Variants in MAK observed in about 807,000 individuals in gnomAD.
The protein encoded by MAK is male germ cell associated kinase, also known as serine/threonine-protein kinase MAK.
Under a neutral mutation model 82.6 loss-of-function variants are expected in MAK, and 65 were observed. The observed-to-expected ratio is 0.79, with a 90% CI of 0.64 to 0.97. MAK has a LOEUF of 0.97. Among genes scored for constraint, MAK ranks in the 50% least tolerant of loss-of-function variants. The pLI is 0.00. For synonymous variants in MAK, 250 were observed against 274.2 expected (o/e 0.91, Z 0.87); for missense variants, 703 against 780.2 (o/e 0.90, Z 1.18).
chr6:10,778,307 A>G (rs1408217219), intron 11 of MAK, among the ~76,000 whole-genome samples: 2 of 152,208 alleles, frequency 1.3e-5, no homozygotes, highest in South Asian at 4.1e-4. Context: ...AGCAGGGTGC[A>G]TCATGTTTAG....
chr6:10,815,910 C>CTATATATATAT (rs1777431569), intron 4 of MAK, among the ~76,000 whole-genome samples: 2 of 76,092 alleles, frequency 2.6e-5, no homozygotes, highest in African/African-American at 8.4e-5. Context: ...TAGCTTTATA[C>CTATATATATAT]AGTATATATA....
intron 2 of MAK, among the ~76,000 whole-genome samples, chr6:10,820,506 A>G (rs1937458525): frequency 1.3e-5 from 2 of 152,166 alleles, no homozygotes; most frequent in South Asian, 2.1e-4. Context: ...AGCTAGCCAT[A>G]CAGTAGAAAC....
intron 10 of MAK, among the ~76,000 whole-genome samples, chr6:10,789,744 G>C (rs537886781): frequency 1.3e-5 from 2 of 152,274 alleles, no homozygotes; most frequent in East Asian, 3.9e-4. Context: ...CACAACCTCT[G>C]CCTCCTGGGT....
intron 10 of MAK, among the ~76,000 whole-genome samples, chr6:10,788,730 C>T (rs963076396): frequency 3.3e-5 from 5 of 151,910 alleles, no homozygotes; most frequent in Non-Finnish European, 5.9e-5. Context: ...AGCGACATTC[C>T]GTCTCAAAAA....
At chr6:10,818,974 G>A in intron 2 of MAK, 34 bp from the exon 3 acceptor site, 1 of 1,218,362 alleles carries the variant, frequency 8.2e-7, no homozygotes, top group Non-Finnish European at 1.2e-6. Flanking sequence ...AGTGTTCAGG[G>A]ATTGAGGATT....
At chr6:10,771,267 G>A (rs1024526787) in intron 13 of MAK, among the ~76,000 whole-genome samples, 1 of 151,902 alleles carries the variant, frequency 6.6e-6, no homozygotes, top group Non-Finnish European at 1.5e-5. Context: ...ACCTCATGGA[G>A]GAAGAGAACA....
chr6:10,785,439 C>T (rs1774453136), intron 10 of MAK, among the ~76,000 whole-genome samples: 1 of 152,208 alleles, frequency 6.6e-6, no homozygotes, highest in Non-Finnish European at 1.5e-5. Context: ...CACTTGTTAA[C>T]TCCAAGCATC....
At position 10,784,531 on chromosome 6, in the gene MAK, C is replaced by G; in HGVS notation, c.1358G>C (p.Gly453Ala). 6.2e-7 allele frequency: 1 copy of G among 1,614,098 alleles called. No individual in the cohort carries two copies. Among genetic ancestry groups the G allele is most frequent in the Non-Finnish European group, 8.5e-7 (1 of 1,180,024 alleles). The change falls in exon 11 of 15, where the codon GGG becomes GCG. Residue 453 changes from glycine to alanine, a missense_variant. By Grantham distance (60) the Gly-to-Ala change is moderately conservative. Transcript: ENST00000354489. The part of the protein sequence containing the change: ...PVPSGSNHST[G>A]ENKSLPAVTS... ...AACAGCAGGTAAGCTCTTGTTTTCC[C>G]CTGTCGAGTGGTTGGAGCCTGAGGG... is the stretch of plus-strand genomic sequence containing the variant.
chr6:10,775,894 T>A (rs1428462276), intron 11 of MAK, among the ~76,000 whole-genome samples: 1 of 152,102 alleles, frequency 6.6e-6, no homozygotes, highest in Non-Finnish European at 1.5e-5. Flanking sequence ...GTTCAAGTGA[T>A]TCTTGTGTCT....
chr6:10,795,192 C>G lies in MAK; in HGVS notation c.1143+806G>C, dbSNP rs1413601039. Among the ~76,000 whole-genome samples, 6 of 152,108 alleles carry G rather than the reference C, an allele frequency of 3.9e-5. No homozygotes were observed. In the East Asian group the frequency reaches 1.2e-3, roughly 29 times the overall value. On this transcript the variant is annotated intron_variant, in intron 9 of 14. Transcript: ENST00000354489. ...TTAGGCCGGGCTTGGTGGCTCACGC[C>G]TGTAATCCCAGCACTTTGGGAGGCC...
chr6:10,788,787 G>T (rs1774822756), intron 10 of MAK, among the ~76,000 whole-genome samples: 1 of 152,072 alleles, frequency 6.6e-6, no homozygotes, highest in Non-Finnish European at 1.5e-5. Flanking sequence ...TACTACATCA[G>T]TGGTCTTCAA....
At chr6:10,815,009 C>G (rs1197793449) in intron 4 of MAK, among the ~76,000 whole-genome samples, 1 of 151,116 alleles carries the variant, frequency 6.6e-6, no homozygotes, top group East Asian at 1.9e-4. Flanking sequence ...TTCACTCCAG[C>G]CTGGGTGAAA....
At chr6:10,766,332 A>G (rs1257964026) in intron 14 of MAK, among the ~76,000 whole-genome samples, 1 of 152,234 alleles carries the variant, frequency 6.6e-6, no homozygotes. Flanking sequence ...TACTAACTTC[A>G]GCATGGGTGA....
rs991637415 is a variant in MAK, at chr6:10,764,728, G to A, written c.1793-122C>T. ...AATTTATGTTTAAAAGATTAACTCA[G>A]TACTCTCTGAGGCTTTTTAAATGTT... is the stretch of plus-strand genomic sequence containing the variant. On this transcript the variant is annotated intron_variant, in intron 14 of 14. Coordinates refer to ENST00000354489, the MANE Select transcript of MAK (RefSeq NM_001242957.3). 1.1e-5 allele frequency: 11 copies of A among 992,696 alleles called. No individual in the cohort carries two copies. In the African/African-American group the frequency reaches 1.4e-4, roughly 13 times the overall value. 61.5% of individuals were successfully genotyped at this position (992,696 alleles called of 1,614,324 possible). A position where few individuals can be genotyped will look rare whatever the true frequency, so the allele number is the denominator to read the frequency against.
At chr6:10,812,154 G>A (rs1776987656) in intron 5 of MAK, among the ~76,000 whole-genome samples, 1 of 152,064 alleles carries the variant, frequency 6.6e-6, no homozygotes, top group African/African-American at 2.4e-5. Flanking sequence ...GAGCCATGAT[G>A]GCACCACTGC....
At chr6:10,798,180 C>T (rs61154706) in intron 8 of MAK, among the ~76,000 whole-genome samples, 7,102 of 145,502 alleles carry the variant, frequency 0.049, 397 homozygotes, top group African/African-American at 0.14. Flanking sequence ...TGCAGTGGCA[C>T]GATCTTGGCT....
At chr6:10,775,510 A>T (rs1407064159) in intron 11 of MAK, 51 bp from the exon 12 acceptor site, 1 of 1,593,492 alleles carries the variant, frequency 6.3e-7, no homozygotes, top group Non-Finnish European at 8.6e-7. Context: ...TCATAAACTT[A>T]AAGGAAACTT....
chr6:10,828,262 T>C (rs1300676433), intron 2 of MAK, among the ~76,000 whole-genome samples: 3 of 152,198 alleles, frequency 2.0e-5, no homozygotes, highest in Non-Finnish European at 2.9e-5. Context: ...AATGTGGAGA[T>C]GCGTATCCCA....
intron 1 of MAK, 84 bp downstream of exon 1, chr6:10,838,419 C>G (rs1179157645): frequency 6.6e-6 from 1 of 152,328 alleles, no homozygotes; most frequent in African/African-American, 2.4e-5. Context: ...CGGCCAGCCT[C>G]GCAGGTCGGG....
Sources: allele counts gnomAD v4.1 joint callset (sites outside exome capture counted in the v4.1 genomes callset), GRCh38; gene constraint gnomAD v4.1.1; transcripts MANE v1.5; gene names NCBI Gene and HGNC (gene_info 2026-07-23, HGNC 2026-07-21).